Variants in BOC observed in about 807,000 individuals in gnomAD.
BOC encodes the protein brother of CDO.
In BOC, 76 loss-of-function variants were observed where a neutral mutation model predicts 112.0. The observed-to-expected ratio is 0.68, with a 90% CI of 0.56 to 0.82. BOC has a LOEUF of 0.82. BOC is among the 40% of genes least tolerant of loss of function. BOC has a pLI of 0.00. For synonymous variants in BOC, 580 were observed against 599.8 expected, an observed-to-expected ratio of 0.97 and a Z score of 0.48; for missense variants, 1,309 against 1,511.7, an observed-to-expected ratio of 0.87 and a Z score of 2.22.
Position 113,272,650 on chromosome 3 carries a change from A to G in BOC, c.908A>G (p.Asn303Ser). Residue 303 changes from asparagine to serine, a missense_variant, in exon 7 of 20, where the codon AAT becomes AGT. Asn to Ser is a conservative substitution (Grantham distance 46). Transcript: ENST00000682979. ...GGCACCTACCGCTGCATGGCCGACA[A>G]TGGGGTTGGGCAGCCCGGGGCAGCG... ...DSGTYRCMADNGVGQPGAAVI... is the reference protein window; with the variant it reads ...DSGTYRCMADSGVGQPGAAVI... 6.2e-7 allele frequency: 1 copy of G among 1,613,774 alleles called. No homozygotes were observed. The highest frequency in any genetic ancestry group is 8.5e-7 in the Non-Finnish European group (1 of 1,179,956).
chr3:113,269,277 C>CA (rs1947852876), intron 5 of BOC: 1 of 152,250 alleles, frequency 6.6e-6, no homozygotes, highest in Admixed American at 6.5e-5. Context: ...AGTGGACAGA[C>CA]ACGGCAGCAG....
At chr3:113,251,159 T>A in intron 4 of BOC, 2 of 561,068 alleles carry the variant, frequency 3.6e-6, no homozygotes, top group Non-Finnish European at 6.3e-6. Context: ...TCCTACTTGG[T>A]CATCCTGTGG....
chr3:113,252,988 G>A (rs111410847), intron 4 of BOC, among the ~76,000 whole-genome samples: 11 of 152,224 alleles, frequency 7.2e-5, no homozygotes, highest in East Asian at 1.9e-4. Flanking sequence ...TCAGAACTAC[G>A]TTTCCTATCA....
chr3:113,250,991 C>A, intron 4 of BOC, 158 bp downstream of exon 4: 1 of 926,670 alleles, frequency 1.1e-6, no homozygotes, highest in Non-Finnish European at 1.6e-6. Flanking sequence ...CTAGTAATGC[C>A]CAGTGATGGG....
In BOC at chr3:113,253,726, G is replaced by A. The variant is rs541811158; in HGVS notation, c.376+2893G>A. Among the ~76,000 whole-genome samples the A allele has an allele frequency of 1.2e-4, 18 of 152,032 alleles. No homozygotes were observed. In the South Asian group the frequency reaches 3.7e-3, roughly 32 times the overall value. ...CCTCCCAGCCCCCACCAGTACTTAT[G>A]ATCGTAATTACTAGTGGTCCTAGAA... On this transcript the variant is annotated intron_variant, in intron 4 of 19. Coordinates refer to ENST00000682979, the MANE Select transcript of BOC (RefSeq NM_001378074.1).
At chr3:113,221,961 G>T (rs1003156252) in intron 2 of BOC, among the ~76,000 whole-genome samples, 20 of 152,172 alleles carry the variant, frequency 1.3e-4, no homozygotes, top group Admixed American at 9.2e-4. Flanking sequence ...GGGGCTGTGT[G>T]CTTGCATTTG....
At chr3:113,233,321 T>C (rs1374929978) in intron 2 of BOC, among the ~76,000 whole-genome samples, 2 of 152,008 alleles carry the variant, frequency 1.3e-5, no homozygotes, top group East Asian at 1.9e-4. Flanking sequence ...TTTTGAGTCA[T>C]GTGGAGGGTA....
At chr3:113,286,391 G>C (rs556099691) in intron 19 of BOC, among the ~76,000 whole-genome samples, 24 of 152,292 alleles carry the variant, frequency 1.6e-4, no homozygotes, top group Admixed American at 5.9e-4. Context: ...TTCCTTCTGC[G>C]TTTCACGGGC....
chr3:113,249,981 T>C (rs1038304171), intron 3 of BOC, 82 bp downstream of exon 3: 29 of 1,203,970 alleles, frequency 2.4e-5, no homozygotes, highest in Non-Finnish European at 3.4e-5. Context: ...TAAAAAGGCC[T>C]TCTTTACCTG....
intron 2 of BOC, among the ~76,000 whole-genome samples, chr3:113,232,927 T>G (rs988926078): frequency 2.4e-4 from 36 of 152,336 alleles, no homozygotes; most frequent in Non-Finnish European, 7.3e-5. Context: ...TGCCAAACTG[T>G]TCCTTTTAAA....
rs1246517037 is a variant in BOC at position 113,279,813 on chromosome 3, C to T, written c.2024-11C>T. Reference sequence around the variant, plus strand: ...CCAGCTCCTGAGTTCAGTGAGTGTCCCTCTCACCAGGCACCTCCTACAAGT... The same window carrying T: ...CCAGCTCCTGAGTTCAGTGAGTGTCTCTCTCACCAGGCACCTCCTACAAGT... On this transcript the variant is annotated splice_polypyrimidine_tract_variant and intron_variant, in intron 12 of 19. Transcript: ENST00000682979. 1 of 1,595,574 alleles carries T rather than the reference C, an allele frequency of 6.3e-7. No individual in the cohort carries two copies.
rs774586790 is a variant in BOC, at chr3:113,285,398, G to T, written c.2993G>T (p.Gly998Val). 1 of 1,613,430 alleles carries T rather than the reference G, an allele frequency of 6.2e-7. No individual in the cohort carries two copies. Among genetic ancestry groups the T allele is most frequent in the South Asian group, 1.1e-5 (1 of 91,040 alleles). ...GGTCCCAAGTCTAGCCCGGACGAGG[G>T]CTCTTTCTTATACACACTGCCCGAC... ...TRGPKSSPDEGSFLYTLPDDS... is the reference protein window; with the variant it reads ...TRGPKSSPDEVSFLYTLPDDS... The change falls in exon 19 of 20, where the codon GGC (glycine) becomes GTC (valine). Residue 998 changes from glycine (G) to valine (V), a missense_variant. Transcript: ENST00000682979.
intron 1 of BOC, among the ~76,000 whole-genome samples, chr3:113,215,897 A>G (rs907685489): frequency 6.6e-6 from 1 of 152,206 alleles, no homozygotes; most frequent in African/African-American, 2.4e-5. Flanking sequence ...ATGTGTTCTT[A>G]AGAAATAGTT....
chr3:113,215,720 T>C (rs1939235536), intron 1 of BOC, among the ~76,000 whole-genome samples: 1 of 152,242 alleles, frequency 6.6e-6, no homozygotes, highest in Non-Finnish European at 1.5e-5. Flanking sequence ...AAAGCTCTGC[T>C]GTGTAGCTCT....
intron 4 of BOC, among the ~76,000 whole-genome samples, chr3:113,265,370 A>AT (rs1947357609): frequency 6.6e-6 from 1 of 151,986 alleles, no homozygotes; most frequent in Non-Finnish European, 1.5e-5. Flanking sequence ...AAAAAAAAAA[A>AT]GAAACCTCTT....
intron 2 of BOC, among the ~76,000 whole-genome samples, chr3:113,240,327 A>G (rs370358189): frequency 2.6e-5 from 4 of 152,322 alleles, no homozygotes; most frequent in African/African-American, 9.6e-5. Context: ...TGGCTTTGGT[A>G]CTGGAGGAGG....
At chr3:113,251,068 G>C in intron 4 of BOC, 1 of 615,868 alleles carries the variant, frequency 1.6e-6, no homozygotes, top group Non-Finnish European at 2.9e-6. Flanking sequence ...TGTCTACAGA[G>C]AGGGGAATTG....
At position 113,278,689 on chromosome 3, in the gene BOC, C is replaced by T. The variant is rs767305367; in HGVS notation, c.1722C>T (p.Pro574=). 21 of 1,564,988 alleles carry T rather than the reference C, an allele frequency of 1.3e-5. No individual in the cohort carries two copies. Among genetic ancestry groups the T allele is most frequent in the East Asian group, 2.4e-5 (1 of 41,984 alleles). Residue 574 remains proline, a synonymous_variant, in exon 11 of 20, where the codon CCC becomes CCT. Transcript: ENST00000682979. The surrounding 1 kb of genome is among the most constrained non-coding windows in gnomAD (Gnocchi z 4.2). The part of the protein sequence containing the change: ...VTFRTGRRPK[P]EIMASKEQQI... ...TCCACCCAGGACGGCGGCCCAAACC[C>T]GAGATCATGGCCAGCAAAGAGCAGC...
intron 4 of BOC, among the ~76,000 whole-genome samples, chr3:113,263,247 G>A (rs1947089196): frequency 6.6e-6 from 1 of 152,222 alleles, no homozygotes; most frequent in Non-Finnish European, 1.5e-5. Context: ...GCCCCATGCG[G>A]TGCCCCGTGA....
Sources: allele counts gnomAD v4.1 joint callset (sites outside exome capture counted in the v4.1 genomes callset), GRCh38; gene constraint gnomAD v4.1.1; non-coding constraint Gnocchi (gnomAD v3.1); transcripts MANE v1.5; gene names NCBI Gene and HGNC (gene_info 2026-07-23, HGNC 2026-07-21).